The following EIPR1 variants were observed in gnomAD, a reference collection of about 807,000 sequenced individuals.
EIPR1 encodes the protein EARP and GARP complex-interacting protein 1.
In EIPR1, 25 loss-of-function variants were observed where a neutral mutation model predicts 48.1. The observed-to-expected ratio is 0.52, with a 90% confidence interval of 0.38 to 0.73. The LOEUF (loss-of-function observed/expected upper bound fraction) is 0.73. EIPR1 is among the 30% of genes least tolerant of loss of function. The pLI is 0.00. For synonymous variants in EIPR1, 204 were observed against 201.9 expected, an observed-to-expected ratio of 1.01 and a Z score of -0.09; for missense variants, 415 against 506.2, an observed-to-expected ratio of 0.82 and a Z score of 1.73.
chr2:3,268,569 T>G (rs1667567007), intron 3 of EIPR1, among the ~76,000 whole-genome samples: 1 of 152,178 alleles, frequency 6.6e-6, no homozygotes, highest in African/African-American at 2.4e-5. Context: ...CGCTTCTTTA[T>G]ACTAAACTTC....
chr2:3,273,501 G>A (rs1418714514), intron 3 of EIPR1, among the ~76,000 whole-genome samples: 1 of 149,020 alleles, frequency 6.7e-6, no homozygotes, highest in Non-Finnish European at 1.5e-5. Context: ...TTCTCCAGCT[G>A]GCATGCATAG....
intron 3 of EIPR1, among the ~76,000 whole-genome samples, chr2:3,291,432 T>G (rs1668362261): frequency 6.6e-6 from 1 of 152,234 alleles, no homozygotes; most frequent in South Asian, 2.1e-4. Flanking sequence ...GCTGAACACT[T>G]AGAACTCATA....
At chr2:3,362,374 C>A (rs963081018) in intron 1 of EIPR1, among the ~76,000 whole-genome samples, 5 of 152,050 alleles carry the variant, frequency 3.3e-5, no homozygotes, top group Admixed American at 6.5e-5. Context: ...GCTTTTCCAG[C>A]GCTCTCCATC....
chr2:3,194,225 C>A, intron 6 of EIPR1, 59 bp from the exon 7 acceptor site: 1 of 1,588,754 alleles, frequency 6.3e-7, no homozygotes. Context: ...AAAGCCACTG[C>A]GTGCTGCGGG....
intron 4 of EIPR1, among the ~76,000 whole-genome samples, chr2:3,248,555 C>T (rs1666911232): frequency 6.6e-6 from 1 of 151,980 alleles, no homozygotes; most frequent in East Asian, 1.9e-4. Flanking sequence ...GACTGCACCA[C>T]TGCACTCCAG....
chr2:3,329,082 T>C, intron 3 of EIPR1, among the ~76,000 whole-genome samples: 2 of 113,230 alleles, frequency 1.8e-5, no homozygotes, highest in African/African-American at 3.4e-5. Context: ...CCAGCCAGGC[T>C]CCCCTGAATC....
At chr2:3,366,272 C>T (rs1313663996) in intron 1 of EIPR1, among the ~76,000 whole-genome samples, 3 of 152,128 alleles carry the variant, frequency 2.0e-5, no homozygotes, top group Non-Finnish European at 4.4e-5. Context: ...TGTACCACTG[C>T]ACTCCAGCCT....
At chr2:3,203,272 C>G (rs1665111558) in intron 5 of EIPR1, among the ~76,000 whole-genome samples, 1 of 152,198 alleles carries the variant, frequency 6.6e-6, no homozygotes, top group Non-Finnish European at 1.5e-5. Flanking sequence ...TAGAACTCAT[C>G]CAGGTTAGAG....
intron 3 of EIPR1, among the ~76,000 whole-genome samples, chr2:3,258,095 T>C (rs1402930359): frequency 1.3e-5 from 2 of 152,146 alleles, no homozygotes; most frequent in Non-Finnish European, 2.9e-5. Flanking sequence ...GAGAGTGCCA[T>C]CCTTACACGA....
chr2:3,251,282 G>C (rs1370400449), intron 4 of EIPR1, among the ~76,000 whole-genome samples: 5 of 152,178 alleles, frequency 3.3e-5, no homozygotes, highest in Admixed American at 6.5e-5. Context: ...AGTAGCAGGG[G>C]TGTCAGCCAC....
At chr2:3,205,595 T>C (rs2103121727) in intron 5 of EIPR1, among the ~76,000 whole-genome samples, 1 of 152,358 alleles carries the variant, frequency 6.6e-6, no homozygotes, top group African/African-American at 2.4e-5. Flanking sequence ...TCATTCCCTG[T>C]GTCCTGCAGC....
intron 3 of EIPR1, among the ~76,000 whole-genome samples, chr2:3,321,852 T>G (rs2103326354): frequency 6.6e-6 from 1 of 152,224 alleles, no homozygotes; most frequent in East Asian, 1.9e-4. Flanking sequence ...TCACTCCCAG[T>G]GAACAGAAGG....
chr2:3,289,619 A>C (rs1230830816), intron 3 of EIPR1, among the ~76,000 whole-genome samples: 1 of 152,158 alleles, frequency 6.6e-6, no homozygotes. Context: ...CACCATGTCT[A>C]AAATGAGCCC....
intron 1 of EIPR1, among the ~76,000 whole-genome samples, chr2:3,372,029 T>G (rs1428250086): frequency 2.0e-5 from 3 of 151,852 alleles, no homozygotes; most frequent in Admixed American, 6.6e-5. Context: ...TATAACAAAC[T>G]ATCTCTCAGA....
chr2:3,207,173 C>T (rs1259111051), intron 5 of EIPR1, among the ~76,000 whole-genome samples: 1 of 152,176 alleles, frequency 6.6e-6, no homozygotes, highest in East Asian at 1.9e-4. Context: ...ACCCACCGTC[C>T]ATCTACCTGA....
chr2:3,377,780 GC>G lies in EIPR1; in HGVS notation c.-92del. On this transcript the variant is annotated 5_prime_UTR_variant, in exon 1 of 9. It removes the in-frame stop codon of an upstream open reading frame in the 5' UTR. Transcript: ENST00000382125. ...CCCACCTCGCGGGCGTGTTCCCAGC[GC>G]CCATTCATTCCCTCCCCGCAGCAAA... 5.4e-6 allele frequency: 8 copies of G among 1,473,808 alleles called. No individual in the cohort carries two copies. Among genetic ancestry groups the G allele is most frequent in the Non-Finnish European group, 7.4e-6 (8 of 1,085,246 alleles). 91.3% of individuals were successfully genotyped at this position (1,473,808 alleles called of 1,614,324 possible).
chr2:3,280,453 T>C (rs1476118388), intron 3 of EIPR1, among the ~76,000 whole-genome samples: 1 of 151,786 alleles, frequency 6.6e-6, no homozygotes, highest in African/African-American at 2.4e-5. Flanking sequence ...CGCGGGTGAG[T>C]GGCCCTGGGA....
intron 4 of EIPR1, among the ~76,000 whole-genome samples, chr2:3,248,692 A>C (rs966877153): frequency 3.9e-5 from 6 of 152,214 alleles, no homozygotes; most frequent in Admixed American, 3.9e-4. Context: ...CTTATACTGG[A>C]AGGCGGAGGC....
rs541074512 is a variant in EIPR1, at chr2:3,300,594, G to A, written c.259+37423C>T. Reference sequence around the variant, plus strand: ...TCAAGGCTGTACTTCAGGGTCAAATGGGCTTTCGCGCTAATACCCTATCAA... The same window carrying A: ...TCAAGGCTGTACTTCAGGGTCAAATAGGCTTTCGCGCTAATACCCTATCAA... On this transcript the variant is annotated intron_variant, in intron 3 of 8. Transcript: ENST00000382125. Among the ~76,000 whole-genome samples, 47 of 152,188 alleles carry A rather than the reference G, an allele frequency of 3.1e-4. No homozygotes were observed. The South Asian group carries it at 5.2e-3, about 17-fold the overall frequency.
Sources: allele counts gnomAD v4.1 joint callset (sites outside exome capture counted in the v4.1 genomes callset), GRCh38; gene constraint gnomAD v4.1.1; transcripts MANE v1.5; gene names NCBI Gene and HGNC (gene_info 2026-07-23, HGNC 2026-07-21).